FMNL1: variants seen among roughly 807,000 people sequenced by gnomAD.
FMNL1 encodes formin like 1.
Under a neutral mutation model 121.3 loss-of-function variants are expected in FMNL1, and 43 were observed. The ratio of observed to expected loss-of-function variants is 0.35; its 90% CI spans 0.28 to 0.46. The LOEUF is 0.46. Among genes scored for constraint, FMNL1 ranks in the 20% least tolerant of loss-of-function variants. The pLI, the probability that FMNL1 is intolerant of heterozygous loss-of-function variation, is 1.00. For synonymous variants in FMNL1, 613 were observed against 613.5 expected (o/e 1.00, Z 0.01); for missense variants, 1,191 against 1,482.4 (o/e 0.80, Z 3.23).
At position 45,239,348 on chromosome 17, in the gene FMNL1, G is replaced by C. The variant is rs976310086; in HGVS notation, c.1080+283G>C. 3.0e-5 allele frequency: 12 copies of C among 405,680 alleles called. No homozygotes were observed. In the Admixed American group the frequency reaches 4.5e-4, roughly 15 times the overall value. 25.1% of individuals were successfully genotyped at this position (405,680 alleles called of 1,614,324 possible). On this transcript the variant is annotated intron_variant, in intron 11 of 26. Coordinates refer to ENST00000331495, the MANE Select transcript of FMNL1 (RefSeq NM_005892.4). ...TATGGAACTGTTTTTGCAGGCACCAGAACAGGTCAAGGTAGCCCAGAGTCT... is the reference window on the plus strand; with the variant it reads ...TATGGAACTGTTTTTGCAGGCACCACAACAGGTCAAGGTAGCCCAGAGTCT...
Position 45,233,201 on chromosome 17 carries a change from C to T in FMNL1, c.328-23C>T, listed in dbSNP as rs1354402132. The T allele has an allele frequency of 3.2e-6, 5 of 1,552,100 alleles. No homozygotes were observed. In the Admixed American group the frequency reaches 5.9e-5, roughly 18 times the overall value. ...TGGGAGGCCGGGCTCCACCCACCAG[C>T]CTTCCCTGTTCTCGGTCCCCAGTTT... On this transcript the variant is annotated intron_variant, in intron 3 of 26. Transcript: ENST00000331495. The surrounding 1 kb of genome is among the most constrained non-coding windows in gnomAD (Gnocchi z 4.1).
chr17:45,244,029 T>C lies in FMNL1; in HGVS notation c.2448+4T>C. On this transcript the variant is annotated splice_donor_region_variant and intron_variant, in intron 18 of 26. Transcript: ENST00000331495. ...CACAGCCCAGCTGCTCATGCCGGTG[T>C]GGGCGGAGCGGGCAGGGCGGTGTGA... 6.2e-7 allele frequency: 1 copy of C among 1,605,268 alleles called. No homozygotes were observed. The highest frequency in any genetic ancestry group is 1.1e-5 in the South Asian group (1 of 90,806).
Position 45,222,217 on chromosome 17 carries a change from G to C in FMNL1, c.93G>C (p.Ala31=), listed in dbSNP as rs750186230. The change falls in exon 1 of 27, where the codon GCG becomes GCC. Residue 31 remains alanine, a synonymous_variant. Transcript: ENST00000331495. ...CGCCTCCCAAGCAGCCGATGCCCGC[G>C]GCCGGAGAGCTGGAGGAGAGGTTCA... The part of the protein sequence containing the change: ...QPAPPKQPMP[A]AGELEERFNR... The C allele has an allele frequency of 6.4e-6, 8 of 1,250,150 alleles. No individual in the cohort carries two copies. The South Asian group carries it at 1.8e-4, about 27-fold the overall frequency. 77.4% of individuals were successfully genotyped at this position (1,250,150 alleles called of 1,614,324 possible). A position where few individuals can be genotyped will look rare whatever the true frequency, so the allele number is the denominator to read the frequency against.
At position 45,241,101 on chromosome 17, in the gene FMNL1, C is replaced by T. The variant is rs1321145340; in HGVS notation, c.1231-28C>T. 3 of 1,612,620 alleles carry T rather than the reference C, an allele frequency of 1.9e-6. No individual in the cohort carries two copies. Among genetic ancestry groups the T allele is most frequent in the Non-Finnish European group, 2.5e-6 (3 of 1,179,518 alleles). On this transcript the variant is annotated intron_variant, in intron 12 of 26. Transcript: ENST00000331495. This position sits in a 1 kb window ranked among gnomAD's most constrained non-coding sequence, Gnocchi z 7.0. Reference sequence around the variant, plus strand: ...GCGGTGCCAGTGCCGGGCTGCGGGTCGGGGCTCACCATGTGCTGGTGCTAC... The same window carrying T: ...GCGGTGCCAGTGCCGGGCTGCGGGTTGGGGCTCACCATGTGCTGGTGCTAC...
intron 1 of FMNL1, among the ~76,000 whole-genome samples, chr17:45,229,543 C>T (rs1194401898): frequency 6.6e-6 from 1 of 152,224 alleles, no homozygotes; most frequent in African/African-American, 2.4e-5. Context: ...CAACTCAGAT[C>T]TCCTTGAGGG....
Position 45,244,861 on chromosome 17 carries a change from G to T in FMNL1, c.2560G>T (p.Gly854Trp). Residue 854 changes from glycine (G) to tryptophan (W), a missense_variant, in exon 20 of 27, where the codon GGG becomes TGG. Around this residue, in one of 4 missense-constraint regions of FMNL1, gnomAD observed 367 missense variants for 528.6 expected, o/e 0.69. Transcript: ENST00000331495. ...CAACTACATGAACAGTAGCAAGCGT[G>T]GGGCAGCCTATGGCTTCCGGCTCCA... ...FGNYMNSSKR[G>W]AAYGFRLQSL... 6.2e-7 allele frequency: 1 copy of T among 1,613,814 alleles called. No homozygotes were observed.
At chr17:45,243,693 A>G in intron 17 of FMNL1, 98 bp from the exon 18 acceptor site, 1 of 1,170,890 alleles carries the variant, frequency 8.5e-7, no homozygotes, top group Non-Finnish European at 1.2e-6. Flanking sequence ...AATAGAAAAT[A>G]CTGAAATTCA....
At chr17:45,229,378 G>A (rs2043393820) in intron 1 of FMNL1, among the ~76,000 whole-genome samples, 1 of 152,248 alleles carries the variant, frequency 6.6e-6, no homozygotes, top group Non-Finnish European at 1.5e-5. Context: ...CACCCTGGAG[G>A]GGAAGCTGGC....
rs989755499 is a variant in FMNL1 at position 45,231,216 on chromosome 17, C to T, written c.213+529C>T. 8.5e-5 allele frequency among the ~76,000 whole-genome samples: 13 copies of T among 152,212 alleles called. No homozygotes were observed. Among genetic ancestry groups the T allele is most frequent in the African/African-American group, 3.1e-4 (13 of 41,456 alleles). On this transcript the variant is annotated intron_variant, in intron 2 of 26. Coordinates refer to ENST00000331495, the MANE Select transcript of FMNL1 (RefSeq NM_005892.4). This position sits in a 1 kb window ranked among gnomAD's most constrained non-coding sequence, Gnocchi z 4.7. ...CTGGACTCACGGGTCACTCAGCTGT[C>T]CCCACCCCTCCAGCTTCAAGGGCTG...
At chr17:45,227,153 T>C (rs1362815242) in intron 1 of FMNL1, among the ~76,000 whole-genome samples, 2 of 151,940 alleles carry the variant, frequency 1.3e-5, no homozygotes, top group Non-Finnish European at 2.9e-5. Context: ...GAGACTGGGA[T>C]TGATGTCCAA....
chr17:45,242,299 G>T, intron 15 of FMNL1, 42 bp from the exon 16 acceptor site: 2 of 1,606,342 alleles, frequency 1.2e-6, no homozygotes, highest in Non-Finnish European at 1.7e-6. Context: ...CCCTCCAGTA[G>T]TACCCCCAGT....
chr17:45,234,522 G>A, intron 6 of FMNL1: 1 of 358,774 alleles, frequency 2.8e-6, no homozygotes, highest in Non-Finnish European at 5.5e-6. Flanking sequence ...AAATTAGCCG[G>A]GTGTGGTGGT....
Position 45,237,384 on chromosome 17 carries a change from C to G in FMNL1, c.800+27C>G. ...TGAGGTCCAGGCCCCAAACCTTTCTCCGTATCTAGAGTCTTCTCCTACTTA... is the reference window on the plus strand; with the variant it reads ...TGAGGTCCAGGCCCCAAACCTTTCTGCGTATCTAGAGTCTTCTCCTACTTA... On this transcript the variant is annotated intron_variant, in intron 8 of 26. Transcript: ENST00000331495. This position sits in a 1 kb window ranked among gnomAD's most constrained non-coding sequence, Gnocchi z 4.4. 6.2e-7 allele frequency: 1 copy of G among 1,613,820 alleles called. No homozygotes were observed. Among genetic ancestry groups the G allele is most frequent in the Non-Finnish European group, 8.5e-7 (1 of 1,179,710 alleles).
rs781205836 is a variant in FMNL1 at position 45,238,564 on chromosome 17, G to A, written c.895G>A (p.Val299Met). The A allele has an allele frequency of 5.0e-6, 8 of 1,614,066 alleles. No individual in the cohort carries two copies. In the South Asian group the frequency reaches 5.5e-5, roughly 11 times the overall value. Reference sequence around the variant, plus strand: ...AGTGAGAGCCATTCCCCTTACCCAGGTGTGTGGGGAGCAGCACCGCTTTGA... The same window carrying A: ...AGTGAGAGCCATTCCCCTTACCCAGATGTGTGGGGAGCAGCACCGCTTTGA... ...ILAAFDNFKEVCGEQHRFEKL... is the reference protein window; with the variant it reads ...ILAAFDNFKEMCGEQHRFEKL... Residue 299 changes from valine to methionine, a missense_variant and splice_region_variant, in exon 10 of 27, where the codon GTG becomes ATG. Physicochemically the swap from Val to Met is conservative, Grantham distance 21. Around this residue, in one of 4 missense-constraint regions of FMNL1, gnomAD observed 253 missense variants for 417.5 expected, o/e 0.61. Transcript: ENST00000331495.
At chr17:45,239,108 G>T in intron 11 of FMNL1, 43 bp downstream of exon 11, 1 of 1,501,470 alleles carries the variant, frequency 6.7e-7, no homozygotes, top group Non-Finnish European at 9.3e-7. Flanking sequence ...CCTGCCCACG[G>T]CAGAGTATGG....
rs767532251 is a variant in FMNL1 at position 45,236,233 on chromosome 17, A to T, written c.712A>T (p.Met238Leu). The T allele has an allele frequency of 6.2e-7, 1 of 1,613,884 alleles. No individual in the cohort carries two copies. The highest frequency in any genetic ancestry group is 2.2e-5 in the East Asian group (1 of 44,886). ...CTGTATTATGTGCCTACGCGCCATC[A>T]TGAACTACCAGGTCAGCCGAGGGGC... Reference protein sequence around the residue: ...HVCIMCLRAIMNYQSGFSLVM... With the variant: ...HVCIMCLRAILNYQSGFSLVM... Residue 238 changes from methionine (M) to leucine (L), a missense_variant, in exon 7 of 27, where the codon ATG (methionine) becomes TTG (leucine). Met to Leu is a conservative substitution (Grantham distance 15, BLOSUM62 2). This residue lies in a region of FMNL1 where 253 missense variants were observed against 417.5 expected (regional missense o/e 0.61). Transcript: ENST00000331495.
At chr17:45,244,104 G>A (rs1361950931) in intron 18 of FMNL1, 72 bp from the exon 19 acceptor site, 25 of 1,606,466 alleles carry the variant, frequency 1.6e-5, no homozygotes, top group Non-Finnish European at 1.6e-5. Context: ...CTGCGGCAGG[G>A]AACCTGGGAG....
chr17:45,240,997 C>T lies in FMNL1; in HGVS notation c.1231-132C>T, dbSNP rs571507279. On this transcript the variant is annotated intron_variant, in intron 12 of 26. Transcript: ENST00000331495. Reference sequence around the variant, plus strand: ...GGTTCGAGTGCCAGGCTCGGCCCACCCTTGGCACCTGGGCTGAGCGGATCT... The same window carrying T: ...GGTTCGAGTGCCAGGCTCGGCCCACTCTTGGCACCTGGGCTGAGCGGATCT... 1,567 of 1,160,262 alleles carry T rather than the reference C, an allele frequency of 1.4e-3. 1 individual carries two copies. Among genetic ancestry groups the T allele is most frequent in the Non-Finnish European group, 1.8e-3 (1,471 of 804,476 alleles). 71.9% of individuals were successfully genotyped at this position (1,160,262 alleles called of 1,614,324 possible).
intron 10 of FMNL1, 98 bp downstream of exon 10, chr17:45,238,736 C>A: frequency 1.4e-6 from 2 of 1,465,636 alleles, no homozygotes; most frequent in South Asian, 2.4e-5. Context: ...GCTCTGCCCC[C>A]GCAAAGCGTA....
Sources: gnomAD v4.1 joint callset for allele counts (sites outside exome capture counted in the v4.1 genomes callset) on GRCh38, gnomAD v4.1.1 for gene constraint, gnomAD v4.1.1 regional missense constraint, Gnocchi (gnomAD v3.1) non-coding constraint, MANE v1.5 for transcripts, NCBI Gene and HGNC (gene_info 2026-07-23, HGNC 2026-07-21) for gene names.